TMED3: variants seen among roughly 807,000 people sequenced by gnomAD.
The protein encoded by TMED3 is transmembrane emp24 domain-containing protein 3.
TMED3 carries 9 observed loss-of-function variants against 15.0 expected under a neutral mutation model. The observed-to-expected ratio is 0.60, with a 90% CI of 0.36 to 1.04. The LOEUF (loss-of-function observed/expected upper bound fraction) is 1.04. Ranked by LOEUF, TMED3 falls within the 50% of genes least tolerant of loss-of-function variation. The pLI is 0.01. For synonymous variants in TMED3, 117 were observed against 121.4 expected (o/e 0.96, Z 0.24); for missense variants, 267 against 278.9 (o/e 0.96, Z 0.30).
At chr15:79,331,350 T>G (rs925720900) in intron 2 of TMED3, among the ~76,000 whole-genome samples, 1 of 151,548 alleles carries the variant, frequency 6.6e-6, no homozygotes, top group Non-Finnish European at 1.5e-5. Flanking sequence ...AAACTGAAAA[T>G]CCACATGCAG....
At chr15:79,361,917 A>T (rs1490966470) in intron 2 of TMED3, among the ~76,000 whole-genome samples, 1 of 152,144 alleles carries the variant, frequency 6.6e-6, no homozygotes, top group Non-Finnish European at 1.5e-5. Flanking sequence ...AATCACTTGA[A>T]CAGTAAAATA....
intron 2 of TMED3, among the ~76,000 whole-genome samples, chr15:79,355,772 C>G (rs1234886394): frequency 1.3e-5 from 2 of 152,204 alleles, no homozygotes; most frequent in South Asian, 4.1e-4. Context: ...GCCGGCCTGA[C>G]CCTCCACTGA....
rs75904303 is a variant in TMED3 at position 79,362,148 on chromosome 15, C to T, written c.417+48143C>T. Among the ~76,000 whole-genome samples the T allele has an allele frequency of 9.2e-3, 1,404 of 151,798 alleles. 12 individuals are homozygous for T. Among genetic ancestry groups the T allele is most frequent in the Non-Finnish European group, 0.015 (1,024 of 67,896 alleles). ...ATGAAAATCCCACTGGGATTTTTTG[C>T]GGGGGTACTTAACCAAACTATGTAT... On this transcript the variant is annotated intron_variant, in intron 2 of 2. Transcript: ENST00000424155.
intron 2 of TMED3, among the ~76,000 whole-genome samples, chr15:79,389,074 G>A (rs989052678): frequency 2.0e-5 from 3 of 152,118 alleles, no homozygotes; most frequent in African/African-American, 7.2e-5. Context: ...CTTTTGCTGT[G>A]CAAAAGCTAT....
chr15:79,361,409 C>G (rs913082942), intron 2 of TMED3, among the ~76,000 whole-genome samples: 1 of 152,086 alleles, frequency 6.6e-6, no homozygotes, highest in Non-Finnish European at 1.5e-5. Context: ...CACTACTCAG[C>G]CATAAAAAGG....
At chr15:79,325,960 C>A (rs11633612), downstream of TMED3, among the ~76,000 whole-genome samples, 22,081 of 152,070 alleles carry the variant, frequency 0.15, 2,039 homozygotes, top group South Asian at 0.25. Flanking sequence ...GTCATCCTCT[C>A]CCAGTCCATT....
At chr15:79,366,207 A>T (rs1893231023) in intron 2 of TMED3, among the ~76,000 whole-genome samples, 3 of 152,306 alleles carry the variant, frequency 2.0e-5, no homozygotes, top group Admixed American at 2.0e-4. Flanking sequence ...CCTTCCTGCT[A>T]CCTTGGCGTT....
At chr15:79,375,563 C>T (rs1417400602) in intron 2 of TMED3, among the ~76,000 whole-genome samples, 9 of 152,056 alleles carry the variant, frequency 5.9e-5, no homozygotes, top group Non-Finnish European at 8.8e-5. Flanking sequence ...CAGGAAGTTA[C>T]CATTCATGGT....
At chr15:79,326,375 G>T (rs1047303366), downstream of TMED3, among the ~76,000 whole-genome samples, 4 of 152,142 alleles carry the variant, frequency 2.6e-5, no homozygotes, top group Non-Finnish European at 5.9e-5. Context: ...TTCAAAAGGG[G>T]CTCCTGAGCT....
chr15:79,324,271 G>A (rs528654015), downstream of TMED3, among the ~76,000 whole-genome samples: 31 of 152,310 alleles, frequency 2.0e-4, no homozygotes, highest in African/African-American at 6.7e-4. Flanking sequence ...GATTACAGGC[G>A]TGAGCCACTG....
chr15:79,351,478 T>A (rs1438492700), intron 2 of TMED3, among the ~76,000 whole-genome samples: 2 of 152,252 alleles, frequency 1.3e-5, no homozygotes, highest in Non-Finnish European at 2.9e-5. Flanking sequence ...GTTCTTTTCC[T>A]CTTCTTTCAC....
At position 79,311,184 on chromosome 15, in the gene TMED3, C is replaced by A; in HGVS notation, c.-66C>A. The A allele has an allele frequency of 6.6e-7, 1 of 1,507,170 alleles. No homozygotes were observed. Among genetic ancestry groups the A allele is most frequent in the Non-Finnish European group, 8.8e-7 (1 of 1,131,476 alleles). 93.4% of individuals were successfully genotyped at this position (1,507,170 alleles called of 1,614,324 possible). A position where few individuals can be genotyped will look rare whatever the true frequency, so the allele number is the denominator to read the frequency against. On this transcript the variant is annotated 5_prime_UTR_variant, in exon 1 of 3. Coordinates refer to ENST00000299705, the MANE Select transcript of TMED3 (RefSeq NM_007364.4). ...ATCCTCCTAGGACCCGGTCGGTAGT[C>A]GTCGCCCCAGCCCGCCGGGGGCGCA...
chr15:79,384,879 G>A (rs1480296043), intron 2 of TMED3, among the ~76,000 whole-genome samples: 1 of 152,126 alleles, frequency 6.6e-6, no homozygotes, highest in Non-Finnish European at 1.5e-5. Flanking sequence ...CAGCAGAGGG[G>A]CGAAGATGGC....
intron 2 of TMED3, among the ~76,000 whole-genome samples, chr15:79,339,662 CAG>C (rs1223431628): frequency 6.6e-6 from 1 of 151,860 alleles, no homozygotes. Context: ...GTGGTGATGA[CAG>C]AGGAGTGGTA....
intron 2 of TMED3, among the ~76,000 whole-genome samples, chr15:79,379,672 G>A (rs1301498104): frequency 1.3e-5 from 2 of 152,154 alleles, no homozygotes; most frequent in Non-Finnish European, 1.5e-5. Context: ...GTGGTGGCTA[G>A]CTTTTTGAAA....
At chr15:79,311,475 A>G in intron 1 of TMED3, 58 bp downstream of exon 1, 6 of 1,539,850 alleles carry the variant, frequency 3.9e-6, no homozygotes, top group Non-Finnish European at 5.3e-6. Context: ...TCTCACCTGG[A>G]CACTGGCTAG....
At chr15:79,342,782 G>A (rs1195799233) in intron 2 of TMED3, among the ~76,000 whole-genome samples, 2 of 152,176 alleles carry the variant, frequency 1.3e-5, no homozygotes, top group African/African-American at 4.8e-5. Flanking sequence ...ACTGGGCCCT[G>A]CTTAGCACTG....
chr15:79,408,184 T>C (rs996464750), intron 2 of TMED3, among the ~76,000 whole-genome samples: 5 of 152,228 alleles, frequency 3.3e-5, no homozygotes, highest in African/African-American at 1.2e-4. Flanking sequence ...AGAATGTTTG[T>C]GTGTGAAATC....
At chr15:79,387,716 C>T (rs1473001495) in intron 2 of TMED3, among the ~76,000 whole-genome samples, 1 of 152,118 alleles carries the variant, frequency 6.6e-6, no homozygotes, top group Non-Finnish European at 1.5e-5. Flanking sequence ...CTTTGCAAGA[C>T]AGTTTTCCAA....
Sources: gnomAD v4.1 joint callset for allele counts (sites outside exome capture counted in the v4.1 genomes callset) on GRCh38, gnomAD v4.1.1 for gene constraint, MANE v1.5 for transcripts, NCBI Gene and HGNC (gene_info 2026-07-23, HGNC 2026-07-21) for gene names.